Variants in CASR observed in about 807,000 individuals in gnomAD.
CASR encodes the protein extracellular calcium-sensing receptor.
In CASR, 23 loss-of-function variants were observed where a neutral mutation model predicts 69.1. The observed-to-expected ratio is 0.33, with a 90% confidence interval of 0.24 to 0.47. The LOEUF (loss-of-function observed/expected upper bound fraction) is 0.47. Ranked by LOEUF, CASR falls within the 20% of genes least tolerant of loss-of-function variation. The probability of loss-of-function intolerance (pLI) is 1.00; values close to 1 mark genes in which losing one functional copy is unlikely to be tolerated. For missense variants in CASR, 924 were observed against 1,356.1 expected (o/e 0.68, Z 5.00); for synonymous variants, 541 against 544.7 (o/e 0.99, Z 0.10).
intron 1 of CASR, among the ~76,000 whole-genome samples, chr3:122,206,427 A>G (rs190096699): frequency 4.6e-4 from 70 of 152,060 alleles, no homozygotes; most frequent in Middle Eastern, 3.4e-3. Context: ...GATGAATCCT[A>G]CTTAATCATG....
chr3:122,282,987 C>A (rs939694542), intron 6 of CASR, among the ~76,000 whole-genome samples: 1 of 152,192 alleles, frequency 6.6e-6, no homozygotes, highest in Admixed American at 6.5e-5. Flanking sequence ...CTGCATACTG[C>A]CTGGGAGTTA....
At chr3:122,269,160 T>C (rs570877305) in intron 4 of CASR, among the ~76,000 whole-genome samples, 2 of 152,184 alleles carry the variant, frequency 1.3e-5, no homozygotes, top group Non-Finnish European at 2.9e-5. Context: ...TTTTTATTTG[T>C]TTGCTTGTTT....
intron 6 of CASR, among the ~76,000 whole-genome samples, chr3:122,283,091 T>C (rs539950832): frequency 6.6e-6 from 1 of 152,328 alleles, no homozygotes; most frequent in East Asian, 1.9e-4. Flanking sequence ...ACAGGTCATG[T>C]GCATGGGATA....
chr3:122,199,790 A>G (rs536206866), intron 1 of CASR, among the ~76,000 whole-genome samples: 1 of 152,328 alleles, frequency 6.6e-6, no homozygotes, highest in East Asian at 1.9e-4. Flanking sequence ...TTACAACTAG[A>G]TAGGAAGAGC....
At chr3:122,202,204 G>T (rs749631738) in intron 1 of CASR, among the ~76,000 whole-genome samples, 1 of 152,286 alleles carries the variant, frequency 6.6e-6, no homozygotes, top group Non-Finnish European at 1.5e-5. Context: ...ATCACTCGCA[G>T]CTAGGAGCTG....
intron 1 of CASR, among the ~76,000 whole-genome samples, chr3:122,193,671 T>G (rs1209774933): frequency 1.3e-5 from 2 of 152,208 alleles, no homozygotes; most frequent in African/African-American, 4.8e-5. Flanking sequence ...ATATACCTGC[T>G]CTCTAGTTAG....
intron 6 of CASR, 56 bp downstream of exon 6, chr3:122,282,292 G>A (rs2074901617): frequency 6.4e-6 from 10 of 1,570,702 alleles, no homozygotes; most frequent in Non-Finnish European, 7.0e-6. Flanking sequence ...GGAGGCCTGG[G>A]GTCAGTGAAG....
Position 122,284,359 on chromosome 3 carries a change from A to G in CASR, c.2405A>G (p.Asn802Ser), listed in dbSNP as rs140022350. The G allele has an allele frequency of 8.1e-6, 13 of 1,614,010 alleles. No homozygotes were observed. Among genetic ancestry groups the G allele is most frequent in the African/African-American group, 4.0e-5 (3 of 74,934 alleles). Residue 802 changes from asparagine (N) to serine (S), a missense_variant, in exon 7 of 7, where the codon AAT (asparagine) becomes AGT (serine). By Grantham distance (46) the Asn-to-Ser change is conservative. Around this residue, in one of 8 missense-constraint regions of CASR, gnomAD observed 184 missense variants for 278.8 expected, o/e 0.66. Transcript: ENST00000639785. ...TCCCGGAAGCTGCCGGAGAACTTCA[A>G]TGAAGCCAAGTTCATCACCTTCAGC... ...FKSRKLPENF[N>S]EAKFITFSML...
chr3:122,211,955 G>A (rs1330767874), intron 1 of CASR, among the ~76,000 whole-genome samples: 1 of 152,182 alleles, frequency 6.6e-6, no homozygotes, highest in Non-Finnish European at 1.5e-5. Flanking sequence ...CTTTTACATT[G>A]TTAGTGTAAT....
At chr3:122,185,758 G>A (rs1057471641) in intron 1 of CASR, among the ~76,000 whole-genome samples, 7 of 152,260 alleles carry the variant, frequency 4.6e-5, no homozygotes, top group Admixed American at 2.6e-4. Context: ...CTGGGAGAGC[G>A]GGTGCTTTAT....
At chr3:122,193,094 C>T (rs1174589543) in intron 1 of CASR, among the ~76,000 whole-genome samples, 2 of 152,020 alleles carry the variant, frequency 1.3e-5, no homozygotes, top group Non-Finnish European at 2.9e-5. Context: ...TTTTCATCAC[C>T]CCTCACATTG....
chr3:122,216,581 A>G lies in CASR; in HGVS notation c.-243+32769A>G, dbSNP rs531349806. 9.8e-5 allele frequency among the ~76,000 whole-genome samples: 15 copies of G among 152,386 alleles called. No homozygotes were observed. The South Asian group carries it at 1.5e-3, about 15-fold the overall frequency. On this transcript the variant is annotated intron_variant, in intron 1 of 6. Transcript: ENST00000639785. ...AGTTCTTATGCTGCATAAATAGGGA[A>G]TAAGGACAAAAAACTATAGTTATCT...
chr3:122,186,882 T>C (rs1323884518), intron 1 of CASR, among the ~76,000 whole-genome samples: 1 of 152,250 alleles, frequency 6.6e-6, no homozygotes, highest in Non-Finnish European at 1.5e-5. Flanking sequence ...TTTGCTGTAC[T>C]ACATGAGCAC....
In CASR at chr3:122,290,411, G is replaced by A. The variant is rs561890608; in HGVS notation, c.*5220G>A. 1 of 152,246 alleles carries A rather than the reference G, an allele frequency of 6.6e-6. No individual in the cohort carries two copies. The highest frequency in any genetic ancestry group is 6.5e-5 in the Admixed American group (1 of 15,300). 9.4% of individuals were successfully genotyped at this position (152,246 alleles called of 1,614,324 possible). On this transcript the variant is annotated 3_prime_UTR_variant, in exon 7 of 7. Transcript: ENST00000639785. ...ATATCAACCCAAAGATGTGGTTATTGTTCAGAATGTCCTGATTTTCTTTAA... is the reference window on the plus strand; with the variant it reads ...ATATCAACCCAAAGATGTGGTTATTATTCAGAATGTCCTGATTTTCTTTAA...
intron 4 of CASR, among the ~76,000 whole-genome samples, chr3:122,268,154 C>T (rs924050132): frequency 6.6e-6 from 1 of 152,184 alleles, no homozygotes; most frequent in Admixed American, 6.5e-5. Context: ...TCACTTTTCT[C>T]TCTCACCTGA....
At chr3:122,224,244 G>A (rs1226879476) in intron 1 of CASR, among the ~76,000 whole-genome samples, 1 of 152,166 alleles carries the variant, frequency 6.6e-6, no homozygotes, top group African/African-American at 2.4e-5. Context: ...AAGAAAGGAA[G>A]TCAAGGTTTC....
At position 122,261,948 on chromosome 3, in the gene CASR, A is replaced by G. The variant is rs140920534; in HGVS notation, c.913A>G (p.Ile305Val). Residue 305 changes from isoleucine to valine, a missense_variant, in exon 4 of 7, where the codon ATC becomes GTC. Coordinates refer to ENST00000639785, the MANE Select transcript of CASR (RefSeq NM_000388.4). ...CGAGGCCTGGGCCAGCTCCTCCCTG[A>G]TCGCCATGCCTCAGTACTTCCACGT... ...ASEAWASSSLIAMPQYFHVVG... is the reference protein window; with the variant it reads ...ASEAWASSSLVAMPQYFHVVG... 6.2e-7 allele frequency: 1 copy of G among 1,613,994 alleles called. No homozygotes were observed. The highest frequency in any genetic ancestry group is 1.3e-5 in the African/African-American group (1 of 74,936).
At position 122,183,689 on chromosome 3, in the gene CASR, G is replaced by T. The variant is rs2073743084; in HGVS notation, c.-366G>T. 6.6e-6 allele frequency: 1 copy of T among 152,208 alleles called. No individual in the cohort carries two copies. Among genetic ancestry groups the T allele is most frequent in the African/African-American group, 2.4e-5 (1 of 41,438 alleles). 9.4% of individuals were successfully genotyped at this position (152,208 alleles called of 1,614,324 possible). ...GGGTAGAGTAGACCAAGTGCAACAG[G>T]CACCTGGCTGCAGCCAGGAAGGACC... On this transcript the variant is annotated 5_prime_UTR_variant, in exon 1 of 7. Coordinates refer to ENST00000639785, the MANE Select transcript of CASR (RefSeq NM_000388.4).
rs756152178 is a variant in CASR at position 122,284,633 on chromosome 3, C to T, written c.2679C>T (p.Asn893=). Reference sequence around the variant, plus strand: ...CCCGGGCCACGCTGCGCCGCAGCAACGTCTCCCGCAAGCGGTCCAGCAGCC... The same window carrying T: ...CCCGGGCCACGCTGCGCCGCAGCAATGTCTCCCGCAAGCGGTCCAGCAGCC... ...VAARATLRRS[N]VSRKRSSSLG... The change falls in exon 7 of 7, where the codon AAC becomes AAT. Residue 893 remains asparagine, a synonymous_variant. Coordinates refer to ENST00000639785, the MANE Select transcript of CASR (RefSeq NM_000388.4). 6.2e-6 allele frequency: 10 copies of T among 1,614,056 alleles called. No homozygotes were observed. In the East Asian group the frequency reaches 2.2e-4, roughly 36 times the overall value.
Sources: gnomAD v4.1 joint callset for allele counts (sites outside exome capture counted in the v4.1 genomes callset) on GRCh38, gnomAD v4.1.1 for gene constraint, gnomAD v4.1.1 regional missense constraint, MANE v1.5 for transcripts, NCBI Gene and HGNC (gene_info 2026-07-23, HGNC 2026-07-21) for gene names.